CDK14: variants seen among roughly 807,000 people sequenced by gnomAD.
CDK14 encodes cyclin dependent kinase 14, also known as cyclin-dependent kinase 14.
CDK14 carries 34 observed loss-of-function variants against 60.7 expected under a neutral mutation model. The ratio of observed to expected loss-of-function variants is 0.56; its 90% CI spans 0.43 to 0.75. The LOEUF (loss-of-function observed/expected upper bound fraction) is 0.75. CDK14 is among the 30% of genes least tolerant of loss of function. The pLI, the probability that CDK14 is intolerant of heterozygous loss-of-function variation, is 0.00. For synonymous variants in CDK14, 197 were observed against 203.7 expected (o/e 0.97, Z 0.28); for missense variants, 482 against 564.1 (o/e 0.85, Z 1.47).
In CDK14 at chr7:90,974,960, T is replaced by C. The variant is rs188911359; in HGVS notation, c.948-9188T>C. 6.0e-4 allele frequency among the ~76,000 whole-genome samples: 91 copies of C among 152,318 alleles called. 2 individuals are homozygous for C. In the East Asian group the frequency reaches 0.016, roughly 27 times the overall value. ...TGTTGCCATATCGCCATAACCCCTA[T>C]CAATCATTTGGGCTATATTTTTAAA... On this transcript the variant is annotated intron_variant, in intron 9 of 14. Transcript: ENST00000380050.
chr7:90,719,281 T>A (rs1252324692), intron 2 of CDK14, among the ~76,000 whole-genome samples: 2 of 152,154 alleles, frequency 1.3e-5, no homozygotes, highest in South Asian at 4.1e-4. Context: ...CCAATTCTTT[T>A]CCAGTGTCTG....
intron 14 of CDK14, among the ~76,000 whole-genome samples, chr7:91,160,768 A>G (rs1009804397): frequency 2.0e-5 from 3 of 152,078 alleles, no homozygotes; most frequent in Non-Finnish European, 4.4e-5. Flanking sequence ...AAGCCTAGTT[A>G]TGTACATGGA....
chr7:91,019,526 A>G (rs1028487727), intron 10 of CDK14, among the ~76,000 whole-genome samples: 3 of 152,212 alleles, frequency 2.0e-5, no homozygotes, highest in African/African-American at 7.2e-5. Context: ...TGTCAGCTCT[A>G]TATTGACTTG....
chr7:91,133,913 T>TA (rs1015347671), intron 14 of CDK14, among the ~76,000 whole-genome samples: 21 of 152,268 alleles, frequency 1.4e-4, no homozygotes, highest in African/African-American at 5.1e-4. Context: ...AGTTAACGTT[T>TA]AAAGTACTTT....
At chr7:90,799,605 A>T (rs1473545545) in intron 5 of CDK14, among the ~76,000 whole-genome samples, 4 of 145,044 alleles carry the variant, frequency 2.8e-5, no homozygotes, top group African/African-American at 1.0e-4. Context: ...CAGGAAAATC[A>T]CTTGAACCTG....
intron 11 of CDK14, among the ~76,000 whole-genome samples, chr7:91,052,140 TTTGA>T (rs1797411088): frequency 6.6e-6 from 1 of 152,088 alleles, no homozygotes; most frequent in Non-Finnish European, 1.5e-5. Context: ...GCGAGTGGTG[TTTGA>T]TTGTGCCTTA....
At chr7:90,638,030 A>G (rs1800201471) in intron 2 of CDK14, among the ~76,000 whole-genome samples, 2 of 148,218 alleles carry the variant, frequency 1.3e-5, no homozygotes, top group African/African-American at 2.5e-5. Flanking sequence ...GTGTCTCTGA[A>G]CGTGAGATGG....
At chr7:91,021,318 T>C (rs1439809821) in intron 10 of CDK14, among the ~76,000 whole-genome samples, 1 of 152,194 alleles carries the variant, frequency 6.6e-6, no homozygotes, top group African/African-American at 2.4e-5. Context: ...AGTTTTCTCC[T>C]CAGTAAAATG....
intron 5 of CDK14, among the ~76,000 whole-genome samples, chr7:90,800,609 G>A (rs1788602043): frequency 6.6e-6 from 1 of 151,938 alleles, no homozygotes; most frequent in African/African-American, 2.4e-5. Flanking sequence ...TAACTGTATG[G>A]TACAATTGCT....
rs1237046149 is a variant in CDK14, at chr7:90,729,344, G to GTTTTTTTTTTTTTTTTT, written c.369+2543_369+2559dup. Reference sequence around the variant, plus strand: ...TGCCTTGGATCATGTAGGTATCAAGGTTTTTTTTTTTTTTTTTTTTTTTTT... The same window carrying GTTTTTTTTTTTTTTTTT: ...TGCCTTGGATCATGTAGGTATCAAGGTTTTTTTTTTTTTTTTTTTTTTTTTTTTTTTTTTTTTTTTTT... On this transcript the variant is annotated intron_variant, in intron 3 of 14. Coordinates refer to ENST00000380050, the MANE Select transcript of CDK14 (RefSeq NM_001287135.2). Among the ~76,000 whole-genome samples the GTTTTTTTTTTTTTTTTT allele has an allele frequency of 2.4e-4, 11 of 45,214 alleles. 4 individuals are homozygous for GTTTTTTTTTTTTTTTTT. The highest frequency in any genetic ancestry group is 2.6e-3 in the South Asian group (2 of 780). The allele number at this position is 45,214 out of a possible 152,430, so 29.7% of individuals were successfully genotyped here.
intron 14 of CDK14, among the ~76,000 whole-genome samples, chr7:91,123,705 G>C (rs1479553572): frequency 6.6e-6 from 1 of 151,316 alleles, no homozygotes; most frequent in African/African-American, 2.4e-5. Context: ...TCTCCTCCTT[G>C]TCCCTTCTCT....
chr7:90,669,045 C>T (rs774201146), intron 2 of CDK14, among the ~76,000 whole-genome samples: 3 of 151,984 alleles, frequency 2.0e-5, no homozygotes, highest in African/African-American at 4.8e-5. Context: ...ATTTTAGCTT[C>T]AGTTTTCAGG....
At chr7:90,993,657 A>G (rs995874201) in intron 10 of CDK14, among the ~76,000 whole-genome samples, 3 of 152,218 alleles carry the variant, frequency 2.0e-5, no homozygotes, top group Admixed American at 6.5e-5. Context: ...TATGGAGGGC[A>G]GATGTTGAGG....
At chr7:90,840,749 A>C (rs184824391) in intron 5 of CDK14, among the ~76,000 whole-genome samples, 1 of 152,326 alleles carries the variant, frequency 6.6e-6, no homozygotes, top group Admixed American at 6.5e-5. Context: ...ATGCATTCCC[A>C]TTCCACAATC....
chr7:90,891,740 C>T (rs1471080621), intron 6 of CDK14, among the ~76,000 whole-genome samples: 1 of 152,212 alleles, frequency 6.6e-6, no homozygotes, highest in Non-Finnish European at 1.5e-5. Flanking sequence ...CACATTTTGG[C>T]AGTGCTCCTG....
intron 6 of CDK14, among the ~76,000 whole-genome samples, chr7:90,876,338 A>G (rs1267756625): frequency 6.6e-6 from 1 of 152,072 alleles, no homozygotes; most frequent in East Asian, 1.9e-4. Context: ...GCTGTCCCTA[A>G]CTGGTTGGAT....
chr7:91,007,328 C>T (rs1031688009), intron 10 of CDK14, among the ~76,000 whole-genome samples: 36 of 152,080 alleles, frequency 2.4e-4, no homozygotes, highest in Admixed American at 2.0e-3. Context: ...GATAATTTGC[C>T]GCAGTAGCAT....
intron 12 of CDK14, among the ~76,000 whole-genome samples, chr7:91,091,252 A>T (rs1360694022): frequency 6.8e-6 from 1 of 146,674 alleles, no homozygotes; most frequent in Non-Finnish European, 1.5e-5. Context: ...CTGTAAAAAA[A>T]ATATTTTATT....
chr7:90,655,233 A>T (rs761441350), intron 2 of CDK14, among the ~76,000 whole-genome samples: 1 of 152,232 alleles, frequency 6.6e-6, no homozygotes, highest in Non-Finnish European at 1.5e-5. Context: ...CCATTTACCC[A>T]TTGATGTAAC....
Sources: allele counts gnomAD v4.1 joint callset (sites outside exome capture counted in the v4.1 genomes callset), GRCh38; gene constraint gnomAD v4.1.1; transcripts MANE v1.5; gene names NCBI Gene and HGNC (gene_info 2026-07-23, HGNC 2026-07-21).